Variants in PLVAP observed in about 807,000 individuals in gnomAD.
PLVAP encodes plasmalemma vesicle associated protein.
In PLVAP, 34 loss-of-function variants were observed where a neutral mutation model predicts 43.1. The observed-to-expected ratio is 0.79, with a 90% CI of 0.60 to 1.05. The LOEUF is 1.05. Among genes scored for constraint, PLVAP ranks in the 50% least tolerant of loss-of-function variants. The probability of loss-of-function intolerance (pLI) is 0.00; values close to 1 mark genes in which losing one functional copy is unlikely to be tolerated. For synonymous variants in PLVAP, 241 were observed against 237.3 expected, an observed-to-expected ratio of 1.02 and a Z score of -0.14; for missense variants, 574 against 593.4, an observed-to-expected ratio of 0.97 and a Z score of 0.34.
At chr19:17,370,711 G>A (rs1226417026) in intron 1 of PLVAP, among the ~76,000 whole-genome samples, 1 of 152,052 alleles carries the variant, frequency 6.6e-6, no homozygotes, top group African/African-American at 2.4e-5. Context: ...CTAAAATAAT[G>A]TTCTAAAATG....
At chr19:17,367,011 C>G (rs1239969852) in intron 1 of PLVAP, among the ~76,000 whole-genome samples, 1 of 148,178 alleles carries the variant, frequency 6.7e-6, no homozygotes, top group Non-Finnish European at 1.5e-5. Context: ...GGCCTGATCT[C>G]AGCTCACTGC....
chr19:17,364,851 C>T (rs904234957), intron 3 of PLVAP, among the ~76,000 whole-genome samples: 13 of 143,500 alleles, frequency 9.1e-5, no homozygotes, highest in African/African-American at 3.2e-4. Context: ...TGGCTCACTG[C>T]AACCTCCACC....
intron 1 of PLVAP, among the ~76,000 whole-genome samples, chr19:17,367,604 G>T (rs1420050276): frequency 2.0e-5 from 3 of 152,118 alleles, no homozygotes; most frequent in African/African-American, 4.8e-5. Context: ...GGTCAGGCTG[G>T]TCTTGAACTC....
chr19:17,359,645 C>G (rs549783272), intron 5 of PLVAP, among the ~76,000 whole-genome samples: 1 of 151,216 alleles, frequency 6.6e-6, no homozygotes, highest in Non-Finnish European at 1.5e-5. Context: ...CCTCATGATC[C>G]GCCCACCTCG....
chr19:17,364,764 C>CTTTTTT (rs71162109), intron 3 of PLVAP, among the ~76,000 whole-genome samples: 1 of 87,310 alleles, frequency 1.1e-5, no homozygotes, highest in South Asian at 3.9e-4. Context: ...TAATTCCAGT[C>CTTTTTT]TTTTTTTTTT....
chr19:17,372,101 AAG>A (rs1491410961), intron 1 of PLVAP, among the ~76,000 whole-genome samples: 1 of 151,164 alleles, frequency 6.6e-6, no homozygotes, highest in African/African-American at 2.4e-5. Context: ...AAAAAAAAAA[AAG>A]GATGTGATTT....
chr19:17,359,096 A>G (rs2074517566), intron 5 of PLVAP, among the ~76,000 whole-genome samples: 1 of 150,920 alleles, frequency 6.6e-6, no homozygotes, highest in African/African-American at 2.4e-5. Context: ...CACAGTGCCT[A>G]GCTGAGACTC....
chr19:17,374,903 C>T (rs1477803894), intron 1 of PLVAP, among the ~76,000 whole-genome samples: 1 of 151,450 alleles, frequency 6.6e-6, no homozygotes, highest in Non-Finnish European at 1.5e-5. Context: ...ACTGCAATCT[C>T]TGCCTCCCAG....
chr19:17,372,275 G>A (rs1439892797), intron 1 of PLVAP, among the ~76,000 whole-genome samples: 1 of 150,518 alleles, frequency 6.6e-6, no homozygotes. Flanking sequence ...TGGGTTTGGT[G>A]GCGGGTGCCT....
chr19:17,374,111 G>A (rs998653506), intron 1 of PLVAP, among the ~76,000 whole-genome samples: 3 of 152,040 alleles, frequency 2.0e-5, no homozygotes, highest in Non-Finnish European at 2.9e-5. Flanking sequence ...GCAGTGAGCC[G>A]AGACCTTCCA....
rs766174780 is a variant in PLVAP, at chr19:17,365,841, G to T, written c.624C>A (p.His208Gln). The T allele has an allele frequency of 1.2e-6, 2 of 1,614,136 alleles. No homozygotes were observed. The highest frequency in any genetic ancestry group is 1.7e-6 in the Non-Finnish European group (2 of 1,180,038). Residue 208 changes from histidine to glutamine, a missense_variant, in exon 3 of 6, where the codon CAC becomes CAA. Physicochemically the swap from His to Gln is conservative, Grantham distance 24. Coordinates refer to ENST00000252590, the MANE Select transcript of PLVAP (RefSeq NM_031310.3). ...GCTCCTTGGCCAGCTGGCGCTCTTG[G>T]TGCTGCAGCTCCCGGGTTTTCACGC... ...VECVKTRELQ[H>Q]QERQLAKEQL...
At chr19:17,360,075 G>A (rs1171608133) in intron 5 of PLVAP, among the ~76,000 whole-genome samples, 1 of 152,088 alleles carries the variant, frequency 6.6e-6, no homozygotes, top group African/African-American at 2.4e-5. Context: ...CCTGTTTGGG[G>A]TCCGATGGCC....
chr19:17,366,567 C>T (rs1481023740), intron 1 of PLVAP, among the ~76,000 whole-genome samples: 1 of 152,024 alleles, frequency 6.6e-6, no homozygotes, highest in East Asian at 1.9e-4. Context: ...AGTATAAATA[C>T]ATGCTACAAC....
chr19:17,364,213 G>A (rs987511506), intron 3 of PLVAP, among the ~76,000 whole-genome samples: 1 of 152,090 alleles, frequency 6.6e-6, no homozygotes, highest in Admixed American at 6.6e-5. Context: ...AGCCTCCCAA[G>A]TAGCTGGGAT....
chr19:17,360,830 C>A lies in PLVAP; in HGVS notation c.1182G>T (p.Ser394=). ...GCCTTGACACTGGCATCATCGGCTGCGACTGTGAAAGAAAGATGGAGGGAG... is the reference window on the plus strand; with the variant it reads ...GCCTTGACACTGGCATCATCGGCTGAGACTGTGAAAGAAAGATGGAGGGAG... ...SALDTCIKTK[S]QPMMPVSRPM... is the part of the protein sequence containing the mutation. Residue 394 remains serine, a splice_region_variant and synonymous_variant, in exon 4 of 6, where the codon TCG becomes TCT. Transcript: ENST00000252590. 1.2e-6 allele frequency: 2 copies of A among 1,613,300 alleles called. No homozygotes were observed. The highest frequency in any genetic ancestry group is 1.7e-6 in the Non-Finnish European group (2 of 1,179,374).
intron 5 of PLVAP, 59 bp downstream of exon 5, chr19:17,360,469 G>A (rs2074523414): frequency 3.9e-6 from 6 of 1,537,472 alleles, no homozygotes; most frequent in Non-Finnish European, 5.4e-6. Context: ...CCTCAGTCCT[G>A]GTCCTAGCTT....
intron 1 of PLVAP, 121 bp downstream of exon 1, chr19:17,376,799 T>G: frequency 9.6e-7 from 1 of 1,037,932 alleles, no homozygotes; most frequent in Non-Finnish European, 1.4e-6. Flanking sequence ...CTCTGTCTCA[T>G]AAGAAAAGAG....
At chr19:17,361,155 A>G (rs2074527011) in intron 3 of PLVAP, among the ~76,000 whole-genome samples, 1 of 151,968 alleles carries the variant, frequency 6.6e-6, no homozygotes, top group South Asian at 2.1e-4. Flanking sequence ...ACCTCAGGTG[A>G]TCTGCCTGCC....
intron 5 of PLVAP, among the ~76,000 whole-genome samples, chr19:17,353,080 G>T (rs898774357): frequency 1.3e-5 from 2 of 152,216 alleles, no homozygotes; most frequent in Non-Finnish European, 2.9e-5. Flanking sequence ...GAGGGGTCAG[G>T]GGTTGGCTTA....
Sources: gnomAD v4.1 joint callset for allele counts (sites outside exome capture counted in the v4.1 genomes callset) on GRCh38, gnomAD v4.1.1 for gene constraint, MANE v1.5 for transcripts, NCBI Gene and HGNC (gene_info 2026-07-23, HGNC 2026-07-21) for gene names.